CCDC171: variants seen among roughly 807,000 people sequenced by gnomAD.
CCDC171 encodes coiled-coil domain containing 171.
A neutral mutation model predicts 168.2 loss-of-function variants in CCDC171; 177 were observed. That is an observed-to-expected ratio of 1.05 (90% CI 0.93 to 1.19). The LOEUF (loss-of-function observed/expected upper bound fraction) is 1.19. Among genes scored for constraint, CCDC171 ranks in the 50% most tolerant of loss-of-function variants. The pLI, the probability that CCDC171 is intolerant of heterozygous loss-of-function variation, is 0.00. For synonymous variants in CCDC171, 687 were observed against 540.8 expected (o/e 1.27, Z -3.75); for missense variants, 1,991 against 1,539.0 (o/e 1.29, Z -4.91).
At chr9:16,040,162 G>A (rs1410612280), upstream of CCDC171, among the ~76,000 whole-genome samples, 1 of 152,178 alleles carries the variant, frequency 6.6e-6, no homozygotes, top group Non-Finnish European at 1.5e-5. Flanking sequence ...ATAGCACAGA[G>A]GCCCCTAGCC....
At chr9:15,927,080 A>G (rs1031944679) in intron 25 of CCDC171, among the ~76,000 whole-genome samples, 1 of 151,726 alleles carries the variant, frequency 6.6e-6, no homozygotes. Context: ...TAATGCATAT[A>G]AAGAGATTGA....
At chr9:15,952,690 C>T (rs909640623) in intron 25 of CCDC171, among the ~76,000 whole-genome samples, 25 of 152,104 alleles carry the variant, frequency 1.6e-4, no homozygotes, top group Non-Finnish European at 2.5e-4. Flanking sequence ...AGCCACCGCG[C>T]GCGGCCAGAT....
At chr9:16,068,463 G>A in the CCDC171 span, among the ~76,000 whole-genome samples, 7,054 of 152,144 alleles carry the variant, frequency 0.046, 185 homozygotes, top group African/African-American at 0.083. Context: ...GCACACACAC[G>A]TGCTCACTTG....
chr9:15,628,541 G>A (rs892739691), intron 7 of CCDC171, among the ~76,000 whole-genome samples: 1 of 152,344 alleles, frequency 6.6e-6, no homozygotes, highest in East Asian at 1.9e-4. Flanking sequence ...TGAATTGGGT[G>A]GAGCCCACCA....
intron 7 of CCDC171, among the ~76,000 whole-genome samples, chr9:15,637,706 G>C (rs960124148): frequency 4.1e-5 from 6 of 146,086 alleles, no homozygotes; most frequent in Non-Finnish European, 8.9e-5. Flanking sequence ...ATCTATGAGT[G>C]AGAACATGCG....
intron 23 of CCDC171, among the ~76,000 whole-genome samples, chr9:15,860,125 T>A (rs2130955854): frequency 6.8e-6 from 1 of 146,094 alleles, no homozygotes; most frequent in African/African-American, 2.6e-5. Context: ...GTATCAGTTA[T>A]AATTTGTCCT....
intron 24 of CCDC171, among the ~76,000 whole-genome samples, 159 bp from the exon 25 acceptor site, chr9:15,920,111 G>A (rs770461241): frequency 6.6e-6 from 1 of 151,590 alleles, no homozygotes; most frequent in Non-Finnish European, 1.5e-5. Flanking sequence ...AATAGTCACT[G>A]TTCTCAATAT....
At chr9:15,573,640 A>G (rs2040412428) in intron 3 of CCDC171, among the ~76,000 whole-genome samples, 1 of 111,168 alleles carries the variant, frequency 9.0e-6, no homozygotes, top group Non-Finnish European at 1.9e-5. Flanking sequence ...CATTGTAATA[A>G]TCATATAAAG....
chr9:15,572,099 T>C (rs997543685), intron 3 of CCDC171, among the ~76,000 whole-genome samples: 3 of 152,202 alleles, frequency 2.0e-5, no homozygotes, highest in African/African-American at 4.8e-5. Context: ...GTCTCCATTA[T>C]GGAGCAATCT....
At chr9:15,807,125 C>T (rs922262159) in intron 21 of CCDC171, among the ~76,000 whole-genome samples, 5 of 152,076 alleles carry the variant, frequency 3.3e-5, no homozygotes, top group South Asian at 2.1e-4. Flanking sequence ...ATGGTTTTAT[C>T]GCAGTTCTTA....
intron 4 of CCDC171, among the ~76,000 whole-genome samples, chr9:15,582,097 C>G (rs1011694277): frequency 6.6e-6 from 1 of 152,154 alleles, no homozygotes; most frequent in Non-Finnish European, 1.5e-5. Flanking sequence ...AAAAAACAAT[C>G]TCATCAGAAA....
chr9:15,857,694 G>T (rs2061398098), intron 23 of CCDC171, among the ~76,000 whole-genome samples: 1 of 151,862 alleles, frequency 6.6e-6, no homozygotes, highest in Non-Finnish European at 1.5e-5. Context: ...AAAGTGCTGG[G>T]ATTACAGGCA....
intron 20 of CCDC171, among the ~76,000 whole-genome samples, chr9:15,782,944 C>A (rs1189960974): frequency 6.6e-6 from 1 of 152,120 alleles, no homozygotes; most frequent in Admixed American, 6.5e-5. Context: ...TCCTGTGTGT[C>A]TTGTGATCAT....
downstream of CCDC171, among the ~76,000 whole-genome samples, chr9:16,062,990 G>GA (rs1833952856): frequency 1.3e-5 from 2 of 152,288 alleles, no homozygotes; most frequent in Admixed American, 6.5e-5. Context: ...AGAATGATGA[G>GA]AAAGTATGCT....
intron 8 of CCDC171, among the ~76,000 whole-genome samples, chr9:15,662,979 T>TCAA (rs139672521): frequency 0.085 from 12,784 of 150,158 alleles, 556 homozygotes; most frequent in South Asian, 0.16. Flanking sequence ...AGACTTCGTC[T>TCAA]CAACAACAAC....
intron 3 of CCDC171, among the ~76,000 whole-genome samples, chr9:15,572,263 C>T (rs1039587923): frequency 6.6e-6 from 1 of 152,124 alleles, no homozygotes; most frequent in African/African-American, 2.4e-5. Context: ...TCCTTCCCTT[C>T]TAAGATAATT....
intron 24 of CCDC171, chr9:15,887,660 A>G (rs937680149): frequency 1.3e-5 from 2 of 152,188 alleles, no homozygotes; most frequent in African/African-American, 4.8e-5. Context: ...TATCTGAAAT[A>G]AAAGATTGTT....
chr9:15,651,307 C>T (rs1338633011), intron 7 of CCDC171, among the ~76,000 whole-genome samples: 1 of 152,060 alleles, frequency 6.6e-6, no homozygotes, highest in African/African-American at 2.4e-5. Context: ...CAGGGTTTTG[C>T]CATGTTGGCC....
At chr9:15,603,053 C>T (rs568506504) in intron 6 of CCDC171, among the ~76,000 whole-genome samples, 29 of 152,244 alleles carry the variant, frequency 1.9e-4, no homozygotes, top group African/African-American at 6.7e-4. Flanking sequence ...GCGATCTTGG[C>T]TCACTGCAAC....
Sources: allele counts gnomAD v4.1 joint callset (sites outside exome capture counted in the v4.1 genomes callset), GRCh38; gene constraint gnomAD v4.1.1; transcripts MANE v1.5; gene names NCBI Gene and HGNC (gene_info 2026-07-23, HGNC 2026-07-21).